The following DGLUCY variants were observed in gnomAD, a reference collection of about 807,000 sequenced individuals.
The protein encoded by DGLUCY is D-glutamate cyclase.
A neutral mutation model predicts 58.5 loss-of-function variants in DGLUCY; 58 were observed. The observed-to-expected ratio is 0.99, with a 90% confidence interval of 0.80 to 1.23. The LOEUF is 1.23. DGLUCY is among the 50% of genes most tolerant of loss of function. The probability of loss-of-function intolerance (pLI) is 0.00; values close to 1 mark genes in which losing one functional copy is unlikely to be tolerated. For synonymous variants in DGLUCY, 325 were observed against 314.1 expected (o/e 1.03, Z -0.37); for missense variants, 779 against 784.7 (o/e 0.99, Z 0.09).
At chr14:91,125,934 A>G (rs1361841224) in intron 1 of DGLUCY, among the ~76,000 whole-genome samples, 1 of 152,208 alleles carries the variant, frequency 6.6e-6, no homozygotes, top group Non-Finnish European at 1.5e-5. Context: ...ACAGTCTCTA[A>G]AAAACAAAAC....
intron 1 of DGLUCY, among the ~76,000 whole-genome samples, chr14:91,068,078 C>T (rs1426611242): frequency 1.8e-5 from 1 of 54,104 alleles, no homozygotes; most frequent in African/African-American, 8.9e-5. Context: ...CACACGCGCA[C>T]GCACACACAC....
At chr14:91,169,741 T>G (rs1421584924) in intron 4 of DGLUCY, among the ~76,000 whole-genome samples, 3 of 142,360 alleles carry the variant, frequency 2.1e-5, no homozygotes, top group Non-Finnish European at 4.7e-5. Flanking sequence ...TTTGGCTTGT[T>G]TTGGCTTGCG....
chr14:91,175,939 T>G lies in DGLUCY; in HGVS notation c.613T>G (p.Leu205Val). ...QPVHMGDPEL[L>V]GIKELSKPAY... Reference sequence around the variant, plus strand: ...TTTTCCTTTTCCATCTGCAGAACTGTTGGGAATCAAAGAGCTTTCCAAACC... The same window carrying G: ...TTTTCCTTTTCCATCTGCAGAACTGGTGGGAATCAAAGAGCTTTCCAAACC... Residue 205 changes from leucine to valine, a missense_variant, in exon 7 of 14, where the codon TTG becomes GTG. Physicochemically the swap from Leu to Val is conservative, Grantham distance 32. Coordinates refer to ENST00000256324, the MANE Select transcript of DGLUCY (RefSeq NM_001102368.3). 1.2e-6 allele frequency: 2 copies of G among 1,613,844 alleles called. No homozygotes were observed. Among genetic ancestry groups the G allele is most frequent in the Non-Finnish European group, 1.7e-6 (2 of 1,179,810 alleles).
chr14:91,106,079 G>A (rs1250920901), upstream of DGLUCY, among the ~76,000 whole-genome samples: 6 of 152,044 alleles, frequency 3.9e-5, no homozygotes, highest in East Asian at 1.9e-4. Flanking sequence ...AGGCTGAGGC[G>A]GATGGATCAC....
At chr14:91,123,927 CTTT>C (rs113927504) in intron 1 of DGLUCY, among the ~76,000 whole-genome samples, 5 of 131,722 alleles carry the variant, frequency 3.8e-5, no homozygotes, top group Admixed American at 7.7e-5. Flanking sequence ...AATAATCAGA[CTTT>C]TTTTTTTTTT....
chr14:91,111,200 A>G (rs796176608), upstream of DGLUCY, among the ~76,000 whole-genome samples: 5,612 of 79,070 alleles, frequency 0.071, 197 homozygotes, highest in Middle Eastern at 0.12. Flanking sequence ...TTATTTATAT[A>G]TATGTGTGTG....
upstream of DGLUCY, among the ~76,000 whole-genome samples, chr14:91,105,946 A>T (rs2044580673): frequency 6.6e-6 from 1 of 152,236 alleles, no homozygotes; most frequent in Non-Finnish European, 1.5e-5. Context: ...CAATTGTAAC[A>T]CAGTGATAAG....
At chr14:91,101,165 T>C (rs1213974060) in intron 1 of DGLUCY, among the ~76,000 whole-genome samples, 1 of 152,220 alleles carries the variant, frequency 6.6e-6, no homozygotes, top group Non-Finnish European at 1.5e-5. Context: ...AGATATTTGA[T>C]AGATCAGTGG....
chr14:91,114,993 A>G (rs1006416634), intron 1 of DGLUCY: 1 of 152,452 alleles, frequency 6.6e-6, no homozygotes, highest in Non-Finnish European at 1.5e-5. Flanking sequence ...AGGCAGAGCC[A>G]GGTGACTTTG....
Position 91,081,784 on chromosome 14 carries a change from C to G in DGLUCY, c.-82+21080C>G, listed in dbSNP as rs147442594. 5.8e-3 allele frequency among the ~76,000 whole-genome samples: 876 copies of G among 152,000 alleles called. 4 individuals are homozygous for G. The highest frequency in any genetic ancestry group is 0.014 in the Admixed American group (209 of 15,246). On this transcript the variant is annotated intron_variant, in intron 1 of 4. Coordinates refer to the DGLUCY transcript ENST00000521334. ...TCAGACAGAGTCTCACTCCGTCACCCAGGCTGGAGTGCAGTGGCACCATCT... is the reference window on the plus strand; with the variant it reads ...TCAGACAGAGTCTCACTCCGTCACCGAGGCTGGAGTGCAGTGGCACCATCT...
intron 11 of DGLUCY, among the ~76,000 whole-genome samples, chr14:91,203,073 C>G (rs1042018268): frequency 6.6e-6 from 1 of 152,246 alleles, no homozygotes; most frequent in African/African-American, 2.4e-5. Context: ...GGTACTGCCC[C>G]CATCAGGGAC....
intron 1 of DGLUCY, among the ~76,000 whole-genome samples, chr14:91,140,380 A>C (rs1253530059): frequency 6.6e-6 from 1 of 152,188 alleles, no homozygotes; most frequent in African/African-American, 2.4e-5. Context: ...TCTAAAGAAA[A>C]TAATTTATGG....
At position 91,158,072 on chromosome 14, in the gene DGLUCY, A is replaced by T. The variant is rs375210164; in HGVS notation, c.-30+382A>T. Among the ~76,000 whole-genome samples, 91 of 152,260 alleles carry T rather than the reference A, an allele frequency of 6.0e-4. 3 individuals carry two copies. In the South Asian group the frequency reaches 0.014, roughly 23 times the overall value. On this transcript the variant is annotated intron_variant, in intron 2 of 13. Transcript: ENST00000256324. Reference sequence around the variant, plus strand: ...TGCTATTCCCCACAAGGTTATGGAAAGCTTCTCTCTTTGGCCTTTGCTGTG... The same window carrying T: ...TGCTATTCCCCACAAGGTTATGGAATGCTTCTCTCTTTGGCCTTTGCTGTG...
At chr14:91,174,166 A>G (rs1161904747) in intron 6 of DGLUCY, among the ~76,000 whole-genome samples, 2 of 152,186 alleles carry the variant, frequency 1.3e-5, no homozygotes, top group Non-Finnish European at 2.9e-5. Context: ...GTGAGCTTCT[A>G]CATAGCTGAA....
Position 91,210,523 on chromosome 14 carries a change from T to A in DGLUCY, c.1565-4882T>A, listed in dbSNP as rs555291425. On this transcript the variant is annotated intron_variant, in intron 12 of 13. Transcript: ENST00000256324. The stretch of plus-strand genomic sequence containing the variant: ...TCCAGCCTTGGCAACAGAGTGAGAC[T>A]CTGTCTCTCAAAAATAAAAATAAAA... Among the ~76,000 whole-genome samples the A allele has an allele frequency of 3.9e-5, 6 of 152,176 alleles. No homozygotes were observed. The East Asian group carries it at 1.2e-3, about 29-fold the overall frequency.
At chr14:91,206,339 G>C (rs1268054553) in intron 12 of DGLUCY, among the ~76,000 whole-genome samples, 1 of 151,868 alleles carries the variant, frequency 6.6e-6, no homozygotes, top group Non-Finnish European at 1.5e-5. Context: ...TCCCCTCCCC[G>C]ACACATCTTA....
intron 9 of DGLUCY, among the ~76,000 whole-genome samples, chr14:91,194,023 A>G (rs2050061496): frequency 6.6e-6 from 1 of 151,900 alleles, no homozygotes; most frequent in Non-Finnish European, 1.5e-5. Context: ...CCACTTTGGG[A>G]TACATTATGT....
At chr14:91,068,079 G>GCGCACACA (rs375738080) in intron 1 of DGLUCY, among the ~76,000 whole-genome samples, 24,468 of 146,300 alleles carry the variant, frequency 0.17, 2,295 homozygotes, top group Non-Finnish European at 0.21. Context: ...ACACGCGCAC[G>GCGCACACA]CACACACACA....
At chr14:91,084,919 G>A (rs534831701) in intron 1 of DGLUCY, among the ~76,000 whole-genome samples, 18 of 152,226 alleles carry the variant, frequency 1.2e-4, no homozygotes, top group South Asian at 1.0e-3. Context: ...TGGTGGTGGT[G>A]TGATTTTTCA....
Sources: allele counts gnomAD v4.1 joint callset (sites outside exome capture counted in the v4.1 genomes callset), GRCh38; gene constraint gnomAD v4.1.1; transcripts MANE v1.5; gene names NCBI Gene and HGNC (gene_info 2026-07-23, HGNC 2026-07-21).